The following SLC25A46 variants were observed in gnomAD, a reference collection of about 807,000 sequenced individuals.
The protein encoded by SLC25A46 is mitochondrial outer membrane protein SLC25A46.
Under a neutral mutation model 44.6 loss-of-function variants are expected in SLC25A46, and 39 were observed. The ratio of observed to expected loss-of-function variants is 0.87; its 90% confidence interval spans 0.68 to 1.14. SLC25A46 has a LOEUF of 1.14. Among genes scored for constraint, SLC25A46 ranks in the 50% most tolerant of loss-of-function variants. The probability of loss-of-function intolerance (pLI) is 0.00; values close to 1 mark genes in which losing one functional copy is unlikely to be tolerated. For synonymous variants in SLC25A46, 202 were observed against 185.8 expected (o/e 1.09, Z -0.71); for missense variants, 547 against 522.7 (o/e 1.05, Z -0.45).
intron 5 of SLC25A46, chr5:110,754,717 A>G (rs1389826877): frequency 6.6e-6 from 1 of 152,000 alleles, no homozygotes; most frequent in African/African-American, 2.4e-5. Flanking sequence ...AAGTGTGACA[A>G]TATCTGCTCT....
At chr5:110,739,650 T>C (rs2150405280) in intron 1 of SLC25A46, among the ~76,000 whole-genome samples, 1 of 152,356 alleles carries the variant, frequency 6.6e-6, no homozygotes, top group Non-Finnish European at 1.5e-5. Context: ...GCAGGAATTT[T>C]TAGAGGTTTT....
rs756611199 is a variant in SLC25A46, at chr5:110,761,336, C to A, written c.811C>A (p.His271Asn). ...LLSLIFPTVL[H>N]GVLHYIISSV... ...TTCCTTGATCTTCCCTACGGTGCTT[C>A]ATGGAGTTCTTCATTACATCATCAG... is the stretch of plus-strand genomic sequence containing the variant. The change falls in exon 8 of 8, where the codon CAT (histidine) becomes AAT (asparagine). Residue 271 changes from histidine to asparagine, a missense_variant. Coordinates refer to ENST00000355943, the MANE Select transcript of SLC25A46 (RefSeq NM_138773.4). The surrounding 1 kb of genome is among the most constrained non-coding windows in gnomAD (Gnocchi z 5.3). 1.2e-6 allele frequency: 2 copies of A among 1,613,770 alleles called. No individual in the cohort carries two copies. Among genetic ancestry groups the A allele is most frequent in the East Asian group, 4.5e-5 (2 of 44,848 alleles).
At chr5:110,749,524 G>C (rs887420753) in intron 5 of SLC25A46, among the ~76,000 whole-genome samples, 1 of 148,072 alleles carries the variant, frequency 6.8e-6, no homozygotes, top group African/African-American at 2.5e-5. Flanking sequence ...AAGGGGGGTA[G>C]TTGGGGGAGA....
chr5:110,755,704 T>A (rs1272056851), intron 6 of SLC25A46, among the ~76,000 whole-genome samples, 183 bp downstream of exon 6: 1 of 152,094 alleles, frequency 6.6e-6, no homozygotes, highest in African/African-American at 2.4e-5. Flanking sequence ...AAATATATAT[T>A]ATCTTTAAAA....
chr5:110,748,724 G>A (rs1182316708), intron 5 of SLC25A46, among the ~76,000 whole-genome samples: 1 of 152,114 alleles, frequency 6.6e-6, no homozygotes, highest in East Asian at 1.9e-4. Flanking sequence ...TAATGAAGGA[G>A]ACACATGTAA....
intron 2 of SLC25A46, among the ~76,000 whole-genome samples, chr5:110,742,735 T>C (rs1799721185): frequency 6.6e-6 from 1 of 152,120 alleles, no homozygotes; most frequent in Non-Finnish European, 1.5e-5. Context: ...CTAAACACTC[T>C]AATGCTTACA....
chr5:110,739,389 G>A lies in SLC25A46; in HGVS notation c.270G>A (p.Gln90=). 1 of 1,545,848 alleles carries A rather than the reference G, an allele frequency of 6.5e-7. No homozygotes were observed. Among genetic ancestry groups the A allele is most frequent in the Non-Finnish European group, 8.7e-7 (1 of 1,149,900 alleles). ...CCAGTGGCGGCGGCGGCAGTGTGCA[G>A]GGGCAGAGCAGTGGTGAGAAGCATG... ...PFSSGGGGSV[Q]GQSSEQLNRF... The change falls in exon 1 of 8, where the codon CAG becomes CAA. Residue 90 remains glutamine, a synonymous_variant. Coordinates refer to ENST00000355943, the MANE Select transcript of SLC25A46 (RefSeq NM_138773.4).
Position 110,761,734 on chromosome 5 carries a change from A to T in SLC25A46, c.1209A>T (p.Leu403Phe), listed in dbSNP as rs749244920. Residue 403 changes from leucine (L) to phenylalanine (F), a missense_variant, in exon 8 of 8, where the codon TTA becomes TTT. Leu to Phe is a conservative substitution (Grantham distance 22, BLOSUM62 0). Coordinates refer to ENST00000355943, the MANE Select transcript of SLC25A46 (RefSeq NM_138773.4). The surrounding 1 kb of genome is among the most constrained non-coding windows in gnomAD (Gnocchi z 5.3). ...IIQYTLHAAV[L>F]QITKIIYSTL... ...AGTACACACTGCATGCAGCTGTTTT[A>T]CAGATTACCAAAATTATTTACTCTA... is the stretch of plus-strand genomic sequence containing the variant. The T allele has an allele frequency of 1.2e-5, 20 of 1,612,778 alleles. No individual in the cohort carries two copies. Among genetic ancestry groups the T allele is most frequent in the Non-Finnish European group, 1.7e-5 (20 of 1,179,404 alleles).
chr5:110,749,021 G>A (rs931280017), intron 5 of SLC25A46, among the ~76,000 whole-genome samples: 1 of 152,064 alleles, frequency 6.6e-6, no homozygotes, highest in Admixed American at 6.6e-5. Flanking sequence ...AATAATCTAG[G>A]CGAGGCTGAG....
In SLC25A46 at chr5:110,761,741, A is replaced by C; in HGVS notation, c.1216A>C (p.Thr406Pro). ...YTLHAAVLQITKIIYSTLLQN... is the reference protein window; with the variant it reads ...YTLHAAVLQIPKIIYSTLLQN... Reference sequence around the variant, plus strand: ...ACTGCATGCAGCTGTTTTACAGATTACCAAAATTATTTACTCTACACTTCT... The same window carrying C: ...ACTGCATGCAGCTGTTTTACAGATTCCCAAAATTATTTACTCTACACTTCT... Residue 406 changes from threonine (T) to proline (P), a missense_variant, in exon 8 of 8, where the codon ACC becomes CCC. Coordinates refer to ENST00000355943, the MANE Select transcript of SLC25A46 (RefSeq NM_138773.4). This position sits in a 1 kb window ranked among gnomAD's most constrained non-coding sequence, Gnocchi z 5.3. The C allele has an allele frequency of 6.2e-7, 1 of 1,612,530 alleles. No homozygotes were observed. Among genetic ancestry groups the C allele is most frequent in the South Asian group, 1.1e-5 (1 of 90,992 alleles).
At chr5:110,741,006 G>A (rs532272259) in intron 1 of SLC25A46, among the ~76,000 whole-genome samples, 5 of 152,288 alleles carry the variant, frequency 3.3e-5, no homozygotes, top group African/African-American at 1.2e-4. Context: ...GTGGGTAAAA[G>A]AAGCTTTCTA....
intron 5 of SLC25A46, chr5:110,753,704 T>A (rs1235991612): frequency 3.3e-5 from 5 of 152,134 alleles, no homozygotes; most frequent in Non-Finnish European, 7.4e-5. Flanking sequence ...AAAGCATTTT[T>A]TTAAATACTT....
In SLC25A46 at chr5:110,739,165, G is replaced by T. The variant is rs770562376; in HGVS notation, c.46G>T (p.Gly16Cys). The change falls in exon 1 of 8, where the codon GGT (glycine) becomes TGT (cysteine). Residue 16 changes from glycine (G) to cysteine (C), a missense_variant. By Grantham distance (159) the Gly-to-Cys change is radical. Coordinates refer to ENST00000355943, the MANE Select transcript of SLC25A46 (RefSeq NM_138773.4). Reference sequence around the variant, plus strand: ...CGGATTTGATGGCTTGGGCTACCGGGGTGGTGCCCGGGACGAGCAGGGCTT... The same window carrying T: ...CGGATTTGATGGCTTGGGCTACCGGTGTGGTGCCCGGGACGAGCAGGGCTT... ...PDGFDGLGYRGGARDEQGFGG... is the reference protein window; with the variant it reads ...PDGFDGLGYRCGARDEQGFGG... The T allele has an allele frequency of 3.9e-6, 6 of 1,550,328 alleles. No individual in the cohort carries two copies. The highest frequency in any genetic ancestry group is 5.2e-6 in the Non-Finnish European group (6 of 1,147,058).
intron 5 of SLC25A46, among the ~76,000 whole-genome samples, chr5:110,748,745 G>A (rs1158151125): frequency 6.6e-6 from 1 of 152,130 alleles, no homozygotes; most frequent in African/African-American, 2.4e-5. Context: ...GCAAGAAGAG[G>A]TAACATGTCC....
In SLC25A46 at chr5:110,744,498, C is replaced by T. The variant is rs189100186; in HGVS notation, c.384+711C>T. The stretch of plus-strand genomic sequence containing the variant: ...TGAAAAATATTGACCAATTGAGTTA[C>T]ATAGATCTTCCTGTTGTTAAAACAT... On this transcript the variant is annotated intron_variant, in intron 3 of 7. Transcript: ENST00000355943. 1.6e-3 allele frequency among the ~76,000 whole-genome samples: 243 copies of T among 152,288 alleles called. 2 individuals carry two copies. Among genetic ancestry groups the T allele is most frequent in the African/African-American group, 5.7e-3 (235 of 41,568 alleles).
rs766491806 is a variant in SLC25A46 at position 110,761,515 on chromosome 5, A to C, written c.990A>C (p.Ile330=). ...NFAASLCSDV[I]LYPLETVLHR... The stretch of plus-strand genomic sequence containing the variant: ...CTGCCAGTCTTTGTTCTGACGTTAT[A>C]CTTTACCCATTGGAAACAGTTTTGC... Residue 330 remains isoleucine, a synonymous_variant, in exon 8 of 8, where the codon ATA becomes ATC. Transcript: ENST00000355943. This position sits in a 1 kb window ranked among gnomAD's most constrained non-coding sequence, Gnocchi z 5.3. The C allele has an allele frequency of 6.2e-7, 1 of 1,613,796 alleles. No individual in the cohort carries two copies. The highest frequency in any genetic ancestry group is 8.5e-7 in the Non-Finnish European group (1 of 1,179,800).
intron 5 of SLC25A46, among the ~76,000 whole-genome samples, chr5:110,752,900 A>C (rs925715427): frequency 6.6e-6 from 1 of 152,074 alleles, no homozygotes; most frequent in Non-Finnish European, 1.5e-5. Flanking sequence ...ACTATGGTAG[A>C]AGAATAGAGT....
chr5:110,761,096 C>A lies in SLC25A46; in HGVS notation c.679-108C>A. On this transcript the variant is annotated intron_variant, in intron 7 of 7. Coordinates refer to ENST00000355943, the MANE Select transcript of SLC25A46 (RefSeq NM_138773.4). The surrounding 1 kb of genome is among the most constrained non-coding windows in gnomAD (Gnocchi z 5.3). Reference sequence around the variant, plus strand: ...AAAGTCTGCAAATCATGGATGTTTCCCTCTTCAGTCACTATGTTAGGATTT... The same window carrying A: ...AAAGTCTGCAAATCATGGATGTTTCACTCTTCAGTCACTATGTTAGGATTT... The A allele has an allele frequency of 1.3e-6, 1 of 795,960 alleles. No individual in the cohort carries two copies. Among genetic ancestry groups the A allele is most frequent in the East Asian group, 2.6e-5 (1 of 38,782 alleles). The allele number at this position is 795,960 out of a possible 1,614,324, so 49.3% of individuals were successfully genotyped here.
intron 7 of SLC25A46, among the ~76,000 whole-genome samples, chr5:110,758,294 A>T (rs1800163768): frequency 6.6e-6 from 1 of 152,130 alleles, no homozygotes; most frequent in Non-Finnish European, 1.5e-5. Context: ...CATTAGCTCT[A>T]ATCTCATGTG....
Sources: allele counts gnomAD v4.1 joint callset (sites outside exome capture counted in the v4.1 genomes callset), GRCh38; gene constraint gnomAD v4.1.1; non-coding constraint Gnocchi (gnomAD v3.1); transcripts MANE v1.5; gene names NCBI Gene and HGNC (gene_info 2026-07-23, HGNC 2026-07-21).